Variants in MICU2 observed in about 807,000 individuals in gnomAD.
MICU2 encodes the protein mitochondrial calcium uptake 2, also known as calcium uptake protein 2, mitochondrial.
A neutral mutation model predicts 60.4 loss-of-function variants in MICU2; 64 were observed. That is an observed-to-expected ratio of 1.06 (90% CI 0.87 to 1.31). The LOEUF (loss-of-function observed/expected upper bound fraction) is 1.31, where lower values mean the gene tolerates loss of function less well. Ranked by LOEUF, MICU2 falls within the 50% of genes most tolerant of loss-of-function variation. The probability of loss-of-function intolerance (pLI) is 0.00; values close to 1 mark genes in which losing one functional copy is unlikely to be tolerated. For synonymous variants in MICU2, 201 were observed against 175.0 expected, an observed-to-expected ratio of 1.15 and a Z score of -1.17; for missense variants, 569 against 531.0, an observed-to-expected ratio of 1.07 and a Z score of -0.70.
intron 1 of MICU2, among the ~76,000 whole-genome samples, chr13:21,576,011 C>A (rs926000931): frequency 1.3e-5 from 2 of 152,176 alleles, no homozygotes; most frequent in African/African-American, 2.4e-5. Context: ...GAGGAACTCA[C>A]TCCCTAGTGG....
intron 1 of MICU2, among the ~76,000 whole-genome samples, chr13:21,568,025 G>C (rs1888024410): frequency 6.6e-6 from 1 of 152,134 alleles, no homozygotes; most frequent in African/African-American, 2.4e-5. Context: ...CCAATAGCAG[G>C]CTTTCATTCT....
At position 21,510,018 on chromosome 13, in the gene MICU2, A is replaced by T. The variant is rs1417950992; in HGVS notation, c.747T>A (p.Tyr249Ter). Residue 249 changes from tyrosine to a stop codon, truncating the protein, a stop_gained, in exon 8 of 12, where the codon TAT becomes TAA. Transcript: ENST00000382374. LOFTEE classifies it high-confidence loss of function. ...FGKRGQRKLHYKEFRRFMENL... is the reference protein window; with the variant it reads ...FGKRGQRKLH ...TTTGCATTTACCTTCGAAATTCTTT[A>T]TAATGAAGTTTTCTTTGTCCTCTTT... 6.5e-7 allele frequency: 1 copy of T among 1,535,726 alleles called. No individual in the cohort carries two copies. The highest frequency in any genetic ancestry group is 2.2e-5 in the Admixed American group (1 of 45,090).
intron 2 of MICU2, among the ~76,000 whole-genome samples, chr13:21,555,271 A>G (rs1887675105): frequency 6.6e-6 from 1 of 152,226 alleles, no homozygotes. Context: ...AAAATCCTCA[A>G]TAAAATACTG....
At chr13:21,584,758 C>T (rs545413649) in intron 1 of MICU2, among the ~76,000 whole-genome samples, 35 of 151,894 alleles carry the variant, frequency 2.3e-4, no homozygotes, top group Non-Finnish European at 4.4e-4. Context: ...TTTACTCTAC[C>T]AAATATTTAC....
chr13:21,515,085 G>GTTTTTT lies in MICU2; in HGVS notation c.598-673_598-668dup, dbSNP rs5802119. 1.3e-3 allele frequency among the ~76,000 whole-genome samples: 184 copies of GTTTTTT among 139,312 alleles called. 4 individuals carry two copies. Among genetic ancestry groups the GTTTTTT allele is most frequent in the African/African-American group, 2.7e-3 (102 of 37,806 alleles). The allele number at this position is 139,312 out of a possible 152,430, so 91.4% of individuals were successfully genotyped here. On this transcript the variant is annotated intron_variant, in intron 6 of 11. Transcript: ENST00000382374. ...TTATGGTGACATTTTCAAGTATATA[G>GTTTTTT]TTTTTTTTTTTTTTGAGACGGAGTC... is the stretch of plus-strand genomic sequence containing the variant.
intron 4 of MICU2, among the ~76,000 whole-genome samples, chr13:21,523,893 G>A (rs904624791): frequency 1.3e-5 from 2 of 152,144 alleles, no homozygotes; most frequent in East Asian, 1.9e-4. Context: ...AGAGTGCCTG[G>A]AACTGCCAGA....
At position 21,552,585 on chromosome 13, in the gene MICU2, T is replaced by C. The variant is rs1341192410; in HGVS notation, c.359-12897A>G. ...TAGGTCTAACATGTAAATCTTTAAT[T>C]CATCTTGAATTAATTTTTGTATGAG... On this transcript the variant is annotated intron_variant, in intron 2 of 11. Coordinates refer to ENST00000382374, the MANE Select transcript of MICU2 (RefSeq NM_152726.3). Among the ~76,000 whole-genome samples, 4 of 152,132 alleles carry C rather than the reference T, an allele frequency of 2.6e-5. No homozygotes were observed. In the South Asian group the frequency reaches 8.3e-4, roughly 32 times the overall value.
At chr13:21,556,029 C>T (rs1486778885) in intron 2 of MICU2, among the ~76,000 whole-genome samples, 8 of 152,152 alleles carry the variant, frequency 5.3e-5, no homozygotes, top group African/African-American at 1.7e-4. Context: ...ATTAAAAGAT[C>T]CTCTTGATCG....
intron 4 of MICU2, among the ~76,000 whole-genome samples, chr13:21,528,362 T>C (rs1232853644): frequency 6.6e-6 from 1 of 152,260 alleles, no homozygotes; most frequent in Non-Finnish European, 1.5e-5. Flanking sequence ...CTGAATCTTT[T>C]ATAAAATAAA....
At chr13:21,554,438 T>C in intron 2 of MICU2, among the ~76,000 whole-genome samples, 1 of 151,934 alleles carries the variant, frequency 6.6e-6, no homozygotes, top group Non-Finnish European at 1.5e-5. Context: ...GACTACTGGG[T>C]ACATAACGAA....
intron 4 of MICU2, among the ~76,000 whole-genome samples, chr13:21,524,029 T>C (rs994987068): frequency 6.6e-6 from 1 of 152,198 alleles, no homozygotes; most frequent in Non-Finnish European, 1.5e-5. Context: ...CACTAAACTT[T>C]CTTGCTTGCT....
chr13:21,584,699 T>G (rs1888421645), intron 1 of MICU2, among the ~76,000 whole-genome samples: 1 of 152,164 alleles, frequency 6.6e-6, no homozygotes, highest in African/African-American at 2.4e-5. Flanking sequence ...TCTGAAAACA[T>G]TTAATAATGT....
chr13:21,541,949 GAATA>G (rs1411877774), intron 2 of MICU2, among the ~76,000 whole-genome samples: 17 of 151,898 alleles, frequency 1.1e-4, no homozygotes, highest in East Asian at 1.9e-4. Flanking sequence ...AATTCAAATG[GAATA>G]AATAATTAGA....
intron 1 of MICU2, among the ~76,000 whole-genome samples, chr13:21,603,294 A>T (rs1888869313): frequency 6.6e-6 from 1 of 152,140 alleles, no homozygotes; most frequent in Non-Finnish European, 1.5e-5. Context: ...TAATAGATGG[A>T]GGTTTTAGGA....
chr13:21,560,167 A>C (rs528919733), intron 2 of MICU2, among the ~76,000 whole-genome samples: 8 of 152,274 alleles, frequency 5.3e-5, no homozygotes, highest in Middle Eastern at 3.4e-3. Flanking sequence ...GATCAATAGA[A>C]GTTCTAATTT....
chr13:21,517,964 A>T (rs1326381620), intron 6 of MICU2, among the ~76,000 whole-genome samples: 1 of 152,082 alleles, frequency 6.6e-6, no homozygotes, highest in Admixed American at 6.5e-5. Flanking sequence ...AATCAACTTT[A>T]GTGGTTCATT....
At chr13:21,495,487 G>A (rs1404414813) in intron 10 of MICU2, 169 bp from the exon 11 acceptor site, 4 of 594,336 alleles carry the variant, frequency 6.7e-6, no homozygotes, top group Admixed American at 3.3e-5. Context: ...ATAAGCCGAC[G>A]AATGTCATGA....
intron 2 of MICU2, among the ~76,000 whole-genome samples, chr13:21,551,056 C>T (rs979098431): frequency 6.6e-6 from 1 of 152,208 alleles, no homozygotes; most frequent in Non-Finnish European, 1.5e-5. Flanking sequence ...TTCACTATTT[C>T]TCACCTGCTC....
intron 2 of MICU2, among the ~76,000 whole-genome samples, chr13:21,554,898 G>A (rs1488339877): frequency 2.6e-5 from 4 of 152,144 alleles, no homozygotes; most frequent in South Asian, 2.1e-4. Flanking sequence ...ACACCTCTAC[G>A]CAAATAAACT....
Sources: gnomAD v4.1 joint callset for allele counts (sites outside exome capture counted in the v4.1 genomes callset) on GRCh38, gnomAD v4.1.1 for gene constraint, MANE v1.5 for transcripts, NCBI Gene and HGNC (gene_info 2026-07-23, HGNC 2026-07-21) for gene names.